Variants in SND1 observed in about 807,000 individuals in gnomAD.
SND1 encodes staphylococcal nuclease domain-containing protein 1.
SND1 carries 38 observed loss-of-function variants against 121.7 expected under a neutral mutation model. That is an observed-to-expected ratio of 0.31 (90% CI 0.24 to 0.41). The LOEUF (loss-of-function observed/expected upper bound fraction) is 0.41. Ranked by LOEUF, SND1 falls within the 10% of genes least tolerant of loss-of-function variation. The pLI, the probability that SND1 is intolerant of heterozygous loss-of-function variation, is 1.00. For missense variants in SND1, 868 were observed against 1,184.6 expected (o/e 0.73, Z 3.92); for synonymous variants, 401 against 447.4 (o/e 0.90, Z 1.31).
intron 16 of SND1, chr7:128,032,141 G>A (rs2116991750): frequency 6.6e-6 from 1 of 152,024 alleles, no homozygotes; most frequent in Middle Eastern, 3.4e-3. Context: ...GAGAAGATTA[G>A]CGTGATGCAG....
intron 1 of SND1, among the ~76,000 whole-genome samples, chr7:127,656,581 C>T (rs1449264481): frequency 6.6e-6 from 1 of 152,124 alleles, no homozygotes. Context: ...TCCCAAAGTG[C>T]TGGGATTACA....
At chr7:127,917,432 G>A (rs1040934090) in intron 14 of SND1, among the ~76,000 whole-genome samples, 2 of 152,080 alleles carry the variant, frequency 1.3e-5, no homozygotes, top group African/African-American at 2.4e-5. Context: ...TTTACAAGTT[G>A]CTCTCTTTAC....
intron 10 of SND1, among the ~76,000 whole-genome samples, chr7:127,805,407 A>T (rs777068695): frequency 6.6e-6 from 1 of 152,124 alleles, no homozygotes; most frequent in Non-Finnish European, 1.5e-5. Context: ...AAGTTTCTAG[A>T]AGAGCACTGG....
intron 12 of SND1, among the ~76,000 whole-genome samples, chr7:127,866,802 G>T (rs1172312480): frequency 6.6e-6 from 1 of 152,080 alleles, no homozygotes; most frequent in African/African-American, 2.4e-5. Flanking sequence ...TTACTTTATG[G>T]AGTAAATATA....
chr7:127,991,828 A>G (rs930698491), intron 16 of SND1, among the ~76,000 whole-genome samples: 1 of 152,168 alleles, frequency 6.6e-6, no homozygotes, highest in African/African-American at 2.4e-5. Context: ...TTGAGAGCAG[A>G]TGCGTGGACT....
At chr7:127,976,128 C>G (rs959539347) in intron 15 of SND1, among the ~76,000 whole-genome samples, 11 of 152,212 alleles carry the variant, frequency 7.2e-5, no homozygotes, top group Non-Finnish European at 1.6e-4. Context: ...TTGGCTGTCA[C>G]AGGCACCAGG....
chr7:127,827,669 T>C (rs539539802), intron 11 of SND1, among the ~76,000 whole-genome samples: 139 of 152,356 alleles, frequency 9.1e-4, no homozygotes, highest in Middle Eastern at 3.4e-3. Flanking sequence ...ACAGGAATTA[T>C]AGCAGATGTC....
intron 13 of SND1, among the ~76,000 whole-genome samples, chr7:127,891,544 G>C (rs1431433683): frequency 3.3e-5 from 5 of 151,904 alleles, no homozygotes; most frequent in Non-Finnish European, 5.9e-5. Flanking sequence ...CTGAGTTTAG[G>C]GTTGTTTTTT....
intron 16 of SND1, among the ~76,000 whole-genome samples, chr7:128,003,471 T>C (rs1802885310): frequency 6.6e-6 from 1 of 152,210 alleles, no homozygotes; most frequent in African/African-American, 2.4e-5. Flanking sequence ...AGAAAAGGAT[T>C]TGGCATTGGG....
At chr7:127,674,735 A>G (rs1482150744) in intron 1 of SND1, among the ~76,000 whole-genome samples, 1 of 152,142 alleles carries the variant, frequency 6.6e-6, no homozygotes, top group Non-Finnish European at 1.5e-5. Context: ...GCTTTTAGGC[A>G]TTTTTTTCTT....
intron 16 of SND1, chr7:127,998,179 G>T: frequency 3.0e-6 from 1 of 335,686 alleles, no homozygotes; most frequent in Non-Finnish European, 6.0e-6. Flanking sequence ...CTGTTATTTT[G>T]TTGTCCTTTA....
At chr7:128,037,927 A>G (rs1792782512) in intron 16 of SND1, among the ~76,000 whole-genome samples, 1 of 152,250 alleles carries the variant, frequency 6.6e-6, no homozygotes, top group South Asian at 2.1e-4. Flanking sequence ...TACCAGTAGT[A>G]ACACCAAAAG....
Position 127,686,601 on chromosome 7 carries a change from C to A in SND1, c.79-12C>A. 6.2e-7 allele frequency: 1 copy of A among 1,610,924 alleles called. No individual in the cohort carries two copies. The highest frequency in any genetic ancestry group is 8.5e-7 in the Non-Finnish European group (1 of 1,177,764). On this transcript the variant is annotated splice_polypyrimidine_tract_variant and intron_variant, in intron 1 of 23. Coordinates refer to ENST00000354725, the MANE Select transcript of SND1 (RefSeq NM_014390.4). ...CTGGACCATTCATTTTCTCTTTCTT[C>A]CCCCTACGTAGGTCCTCTCAGGGTG...
chr7:128,033,619 G>T (rs1199364059), intron 16 of SND1, among the ~76,000 whole-genome samples: 1 of 152,208 alleles, frequency 6.6e-6, no homozygotes, highest in Non-Finnish European at 1.5e-5. Context: ...CGGTTCCTTT[G>T]TAGGCAAGTT....
At chr7:127,917,186 T>G (rs1258963642) in intron 14 of SND1, among the ~76,000 whole-genome samples, 1 of 152,212 alleles carries the variant, frequency 6.6e-6, no homozygotes, top group Non-Finnish European at 1.5e-5. Context: ...TATCCACATG[T>G]GGTTACATCA....
intron 10 of SND1, among the ~76,000 whole-genome samples, chr7:127,789,996 C>T (rs192462684): frequency 9.9e-5 from 15 of 152,192 alleles, no homozygotes; most frequent in East Asian, 3.9e-4. Context: ...GAGGTGGTGA[C>T]GTAGATTGTT....
intron 11 of SND1, among the ~76,000 whole-genome samples, chr7:127,809,823 T>G (rs1798301042): frequency 6.6e-6 from 1 of 152,222 alleles, no homozygotes; most frequent in South Asian, 2.1e-4. Context: ...TTTGTTGGCT[T>G]TGATGACCTC....
intron 13 of SND1, among the ~76,000 whole-genome samples, chr7:127,904,069 G>T (rs1377597561): frequency 2.0e-5 from 3 of 152,136 alleles, no homozygotes; most frequent in Admixed American, 2.0e-4. Flanking sequence ...ACCTAGTGAG[G>T]CGTAGGCTTC....
intron 16 of SND1, among the ~76,000 whole-genome samples, chr7:128,074,143 C>A (rs1157166847): frequency 6.6e-6 from 1 of 152,212 alleles, no homozygotes; most frequent in Non-Finnish European, 1.5e-5. Flanking sequence ...TGTCTTCTAG[C>A]ACAGAGCTGG....
Sources: allele counts gnomAD v4.1 joint callset (sites outside exome capture counted in the v4.1 genomes callset), GRCh38; gene constraint gnomAD v4.1.1; transcripts MANE v1.5; gene names NCBI Gene and HGNC (gene_info 2026-07-23, HGNC 2026-07-21).